The following CALN1 variants were observed in gnomAD, a reference collection of about 807,000 sequenced individuals.
The protein encoded by CALN1 is calneuron 1, also known as calcium-binding protein 8.
CALN1 carries 17 observed loss-of-function variants against 30.6 expected under a neutral mutation model. The observed-to-expected ratio is 0.56, with a 90% confidence interval of 0.38 to 0.83. The LOEUF is 0.83. Among genes scored for constraint, CALN1 ranks in the 40% least tolerant of loss-of-function variants. The pLI is 0.00. For synonymous variants in CALN1, 156 were observed against 131.4 expected, an observed-to-expected ratio of 1.19 and a Z score of -1.28; for missense variants, 291 against 354.9, an observed-to-expected ratio of 0.82 and a Z score of 1.45.
At chr7:71,904,809 T>C (rs1174942724) in intron 5 of CALN1, among the ~76,000 whole-genome samples, 2 of 152,242 alleles carry the variant, frequency 1.3e-5, no homozygotes, top group Non-Finnish European at 2.9e-5. Flanking sequence ...GGTAAATACA[T>C]ACAATGTTAC....
chr7:72,186,081 T>C (rs142240620), intron 3 of CALN1, among the ~76,000 whole-genome samples: 2 of 152,080 alleles, frequency 1.3e-5, no homozygotes, highest in East Asian at 2.0e-4. Context: ...GGCAGAGGCA[T>C]AGCCACAGTG....
chr7:72,368,147 CTA>C (rs1357849431), intron 2 of CALN1, among the ~76,000 whole-genome samples: 12 of 150,454 alleles, frequency 8.0e-5, no homozygotes, highest in African/African-American at 2.5e-4. Context: ...GTATCTATAT[CTA>C]TGTGTGTGTA....
chr7:71,957,760 C>T (rs1206237955), intron 5 of CALN1, among the ~76,000 whole-genome samples: 2 of 151,990 alleles, frequency 1.3e-5, no homozygotes, highest in Non-Finnish European at 2.9e-5. Flanking sequence ...GCTCACACCT[C>T]GCACTAAGAA....
chr7:72,382,487 C>G (rs1458913424), intron 2 of CALN1, among the ~76,000 whole-genome samples: 1 of 152,090 alleles, frequency 6.6e-6, no homozygotes, highest in Non-Finnish European at 1.5e-5. Context: ...TTTTTAGATT[C>G]AAAGGATACA....
intron 2 of CALN1, among the ~76,000 whole-genome samples, chr7:72,321,650 A>C (rs1282697774): frequency 6.6e-6 from 1 of 152,148 alleles, no homozygotes; most frequent in Non-Finnish European, 1.5e-5. Context: ...TAGTTAACTA[A>C]AGTTGGTGAG....
At chr7:71,801,797 T>C (rs1268892935) in intron 6 of CALN1, among the ~76,000 whole-genome samples, 1 of 151,814 alleles carries the variant, frequency 6.6e-6, no homozygotes, top group Non-Finnish European at 1.5e-5. Context: ...GCCAACATGG[T>C]GAAACCCCGT....
At chr7:72,473,843 C>T in the CALN1 span, among the ~76,000 whole-genome samples, 32 of 151,348 alleles carry the variant, frequency 2.1e-4, no homozygotes, top group East Asian at 3.1e-3. Context: ...CTGGGAGAAT[C>T]GCTTGAACCC....
chr7:72,412,649 G>A (rs1464189914), upstream of CALN1, among the ~76,000 whole-genome samples: 1 of 152,208 alleles, frequency 6.6e-6, no homozygotes, highest in Admixed American at 6.5e-5. Context: ...TGGAGGAGCA[G>A]CCCCAGCCCT....
the CALN1 span, among the ~76,000 whole-genome samples, chr7:72,453,117 C>T: frequency 6.6e-6 from 1 of 152,212 alleles, no homozygotes; most frequent in Non-Finnish European, 1.5e-5. Context: ...TTCTTTCCCC[C>T]AGCCCTAGTG....
intron 5 of CALN1, among the ~76,000 whole-genome samples, chr7:72,013,247 ATTTT>A (rs1025112311): frequency 1.1e-5 from 1 of 92,980 alleles, no homozygotes; most frequent in African/African-American, 4.7e-5. Flanking sequence ...CTAATTTGAG[ATTTT>A]TTTTTTTTTT....
chr7:72,259,923 T>C (rs1378597971), intron 3 of CALN1, among the ~76,000 whole-genome samples: 1 of 152,128 alleles, frequency 6.6e-6, no homozygotes, highest in Non-Finnish European at 1.5e-5. Flanking sequence ...GCAAAAAGGA[T>C]CTCATCAGCA....
At chr7:72,024,246 G>A (rs955622711) in intron 4 of CALN1, among the ~76,000 whole-genome samples, 2 of 152,152 alleles carry the variant, frequency 1.3e-5, no homozygotes, top group African/African-American at 4.8e-5. Context: ...AACCATGAAG[G>A]TGAGAAAATC....
intron 6 of CALN1, among the ~76,000 whole-genome samples, chr7:71,806,725 C>G (rs564352526): frequency 3.7e-4 from 56 of 152,098 alleles, no homozygotes; most frequent in Non-Finnish European, 3.4e-4. Context: ...GAAGGACCCC[C>G]CCCCAGGGAG....
At chr7:72,099,148 A>G (rs1356660437) in intron 4 of CALN1, among the ~76,000 whole-genome samples, 1 of 151,962 alleles carries the variant, frequency 6.6e-6, no homozygotes, top group East Asian at 1.9e-4. Flanking sequence ...ACCTGCTTCT[A>G]ATCACAGCCA....
At chr7:71,878,206 G>A (rs1792359566) in intron 5 of CALN1, among the ~76,000 whole-genome samples, 1 of 152,124 alleles carries the variant, frequency 6.6e-6, no homozygotes, top group African/African-American at 2.4e-5. Context: ...ATGTCCATGA[G>A]GTACCACTGG....
At chr7:71,981,339 C>A (rs963772909) in intron 5 of CALN1, among the ~76,000 whole-genome samples, 2 of 151,988 alleles carry the variant, frequency 1.3e-5, no homozygotes, top group Non-Finnish European at 2.9e-5. Flanking sequence ...CTCCCCTATA[C>A]CCTGGGGGAC....
intron 1 of CALN1, among the ~76,000 whole-genome samples, chr7:72,411,331 C>A (rs1399879837): frequency 2.0e-5 from 3 of 151,764 alleles, no homozygotes; most frequent in Non-Finnish European, 4.4e-5. Context: ...ACCTAAGTCT[C>A]AGGACAAAAA....
intron 2 of CALN1, among the ~76,000 whole-genome samples, chr7:72,352,119 A>T (rs1802952562): frequency 6.6e-6 from 1 of 152,138 alleles, no homozygotes; most frequent in East Asian, 1.9e-4. Flanking sequence ...GTGAGCTGGG[A>T]TTGCACCACT....
At chr7:72,359,689 A>C (rs1483218001) in intron 2 of CALN1, among the ~76,000 whole-genome samples, 3 of 152,032 alleles carry the variant, frequency 2.0e-5, no homozygotes, top group Non-Finnish European at 2.9e-5. Flanking sequence ...GTTGACCTGG[A>C]TTGGGGCCGG....
Sources: gnomAD v4.1 joint callset for allele counts (sites outside exome capture counted in the v4.1 genomes callset) on GRCh38, gnomAD v4.1.1 for gene constraint, MANE v1.5 for transcripts, NCBI Gene and HGNC (gene_info 2026-07-23, HGNC 2026-07-21) for gene names.